Variants in DST observed in about 807,000 individuals in gnomAD.
DST encodes dystonin, also known as bullous pemphigoid antigen.
In DST, 253 loss-of-function variants were observed where a neutral mutation model predicts 875.2. The ratio of observed to expected loss-of-function variants is 0.29; its 90% CI spans 0.26 to 0.32. The LOEUF (loss-of-function observed/expected upper bound fraction) is 0.32, where lower values mean the gene tolerates loss of function less well. Ranked by LOEUF, DST falls within the 10% of genes least tolerant of loss-of-function variation. The probability of loss-of-function intolerance (pLI) is 1.00; values close to 1 mark genes in which losing one functional copy is unlikely to be tolerated. For synonymous variants in DST, 3,124 were observed against 3,197.1 expected (o/e 0.98, Z 0.77); for missense variants, 8,287 against 9,111.6 (o/e 0.91, Z 3.68).
chr6:56,665,348 G>T (rs1037669481), intron 10 of DST, among the ~76,000 whole-genome samples: 2 of 152,112 alleles, frequency 1.3e-5, no homozygotes, highest in African/African-American at 4.8e-5. Context: ...CTTACAAGGG[G>T]CAAAGACTTT....
intron 5 of DST, among the ~76,000 whole-genome samples, chr6:56,716,364 T>C (rs554782894): frequency 6.6e-6 from 1 of 152,314 alleles, no homozygotes; most frequent in Non-Finnish European, 1.5e-5. Context: ...CGCAAAATCA[T>C]TTGCTTGAAC....
chr6:56,763,588 C>A (rs2099623292), intron 4 of DST, among the ~76,000 whole-genome samples: 2 of 151,828 alleles, frequency 1.3e-5, no homozygotes, highest in African/African-American at 4.8e-5. Flanking sequence ...ACAAGAATCA[C>A]TTGAACCTGG....
At chr6:56,735,897 G>T (rs1014252736) in intron 4 of DST, among the ~76,000 whole-genome samples, 1 of 151,974 alleles carries the variant, frequency 6.6e-6, no homozygotes, top group Admixed American at 6.6e-5. Context: ...CTGTCACCCA[G>T]GCTGGAGTGC....
At chr6:56,513,402 G>T (rs1466420705) in intron 72 of DST, among the ~76,000 whole-genome samples, 2 of 152,146 alleles carry the variant, frequency 1.3e-5, no homozygotes, top group Non-Finnish European at 2.9e-5. Flanking sequence ...AACTGATTTT[G>T]TATTTTTAGT....
intron 2 of DST, among the ~76,000 whole-genome samples, chr6:56,929,201 C>A (rs932598764): frequency 6.6e-6 from 1 of 152,076 alleles, no homozygotes; most frequent in African/African-American, 2.4e-5. Flanking sequence ...ATATTTGATT[C>A]CATAATTCTC....
chr6:56,711,113 T>C (rs2099361612), intron 5 of DST, among the ~76,000 whole-genome samples: 1 of 152,190 alleles, frequency 6.6e-6, no homozygotes, highest in South Asian at 2.1e-4. Context: ...TTTTTAGCTT[T>C]TGGGTAGACA....
At position 56,482,059 on chromosome 6, in the gene DST, A is replaced by C. The variant is rs553811609; in HGVS notation, c.21522T>G (p.Asp7174Glu). 6.2e-7 allele frequency: 1 copy of C among 1,613,716 alleles called. No homozygotes were observed. Among genetic ancestry groups the C allele is most frequent in the Non-Finnish European group, 8.5e-7 (1 of 1,179,788 alleles). ...TTTATATATTACTCACTTTATGCTGATCAATGAGAGTCCGGAGAGCATCCT... is the reference window on the plus strand; with the variant it reads ...TTTATATATTACTCACTTTATGCTGCTCAATGAGAGTCCGGAGAGCATCCT... The part of the protein sequence containing the change: ...DDEDALRTLI[D>E]QHKEFMKKLE... The change falls in exon 90 of 104, where the codon GAT becomes GAG. Residue 7174 changes from aspartate (D) to glutamate (E), a missense_variant. Coordinates refer to ENST00000680361, the MANE Select transcript of DST (RefSeq NM_001374736.1).
chr6:56,805,122 A>T (rs2099751597), intron 4 of DST, among the ~76,000 whole-genome samples: 2 of 152,244 alleles, frequency 1.3e-5, no homozygotes, highest in South Asian at 4.2e-4. Flanking sequence ...TTCTCAAGCT[A>T]AGTTGATAAA....
chr6:56,692,804 C>T lies in DST; in HGVS notation c.1047+6849G>A, dbSNP rs1268274103. 2.3e-6 allele frequency: 3 copies of T among 1,289,720 alleles called. No homozygotes were observed. The African/African-American group carries it at 4.6e-5, about 20-fold the overall frequency. 79.9% of individuals were successfully genotyped at this position (1,289,720 alleles called of 1,614,324 possible). ...TTCACACAGTCAGACCAACTGCTTA[C>T]AGCACTCGGCAGAAGTTTCTGTTTA... On this transcript the variant is annotated intron_variant, in intron 9 of 103. Coordinates refer to ENST00000680361, the MANE Select transcript of DST (RefSeq NM_001374736.1).
rs2098432561 is a variant in DST, at chr6:56,600,152, C to G, written c.11611G>C (p.Glu3871Gln). The change falls in exon 45 of 104, where the codon GAA (glutamate) becomes CAA (glutamine). Residue 3871 changes from glutamate (E) to glutamine (Q), a missense_variant. Transcript: ENST00000680361. ...TCTTGGTGACCAATTAGGCGGTTTT[C>G]AGTTTGGGTAAGAAGATCACATATC... ...QGICDLLTQT[E>Q]NRLIGHQEAF... The G allele has an allele frequency of 6.2e-7, 1 of 1,612,962 alleles. No homozygotes were observed. The highest frequency in any genetic ancestry group is 1.7e-5 in the Admixed American group (1 of 59,938).
In DST at chr6:56,935,291, C is replaced by A. The variant is rs1443442298; in HGVS notation, c.216+18494G>T. 2.6e-5 allele frequency among the ~76,000 whole-genome samples: 4 copies of A among 152,264 alleles called. No individual in the cohort carries two copies. In the East Asian group the frequency reaches 7.7e-4, roughly 29 times the overall value. ...TGTATTTGGGATTCACTTTGGGATGCCCCACAACCGTTTTTAAAACAAGAG... is the reference window on the plus strand; with the variant it reads ...TGTATTTGGGATTCACTTTGGGATGACCCACAACCGTTTTTAAAACAAGAG... On this transcript the variant is annotated intron_variant, in intron 2 of 103. Coordinates refer to ENST00000680361, the MANE Select transcript of DST (RefSeq NM_001374736.1).
At position 56,654,087 on chromosome 6, in the gene DST, C is replaced by T. The variant is rs6941270; in HGVS notation, c.1215-2843G>A. ...TCATGTTATATTTTAGATAGTTGAA[C>T]ATTAACTATTGTAACTTGCCTGTTT... is the stretch of plus-strand genomic sequence containing the variant. On this transcript the variant is annotated intron_variant, in intron 10 of 103. Transcript: ENST00000680361. Among the ~76,000 whole-genome samples the T allele has an allele frequency of 5.8e-3, 890 of 152,210 alleles. 10 individuals carry two copies. The highest frequency in any genetic ancestry group is 0.02 in the African/African-American group (831 of 41,542).
intron 4 of DST, among the ~76,000 whole-genome samples, chr6:56,821,188 C>T (rs1401397362): frequency 1.3e-5 from 2 of 152,198 alleles, no homozygotes; most frequent in African/African-American, 4.8e-5. Flanking sequence ...CTAGCTGAAA[C>T]ACAAATATTA....
intron 10 of DST, among the ~76,000 whole-genome samples, chr6:56,663,011 G>A (rs766607027): frequency 1.1e-4 from 17 of 152,062 alleles, no homozygotes; most frequent in Non-Finnish European, 1.8e-4. Context: ...AGTAATGGGA[G>A]GCTTCATATT....
chr6:56,587,282 G>T (rs1468469211), intron 49 of DST, among the ~76,000 whole-genome samples: 2 of 152,188 alleles, frequency 1.3e-5, no homozygotes, highest in African/African-American at 2.4e-5. Context: ...CTCAGGAGCC[G>T]ATGCGATCAA....
In DST at chr6:56,553,463, T is replaced by A. The variant is rs1234050069; in HGVS notation, c.15329A>T (p.Gln5110Leu). The change falls in exon 61 of 104, where the codon CAG (glutamine) becomes CTG (leucine). Residue 5110 changes from glutamine to leucine, a missense_variant. Coordinates refer to ENST00000680361, the MANE Select transcript of DST (RefSeq NM_001374736.1). ...AATGGTTTTTTCATACATATGAGACTGAGCGGTCAAAGTTTTACTAAAGTC... is the reference window on the plus strand; with the variant it reads ...AATGGTTTTTTCATACATATGAGACAGAGCGGTCAAAGTTTTACTAAAGTC... Reference protein sequence around the residue: ...HKDFSKTLTAQSHMYEKTIAE... With the variant: ...HKDFSKTLTALSHMYEKTIAE... 1 of 1,613,220 alleles carries A rather than the reference T, an allele frequency of 6.2e-7. No individual in the cohort carries two copies. Among genetic ancestry groups the A allele is most frequent in the Non-Finnish European group, 8.5e-7 (1 of 1,179,668 alleles).
In DST at chr6:56,463,562, T is replaced by C. The variant is rs375303601; in HGVS notation, c.22959+3A>G. ...GAGGAAAAGTCTTCATCCTGAGTCT[T>C]ACCTTGGGTGTGGTGGTGGCAGGGA... On this transcript the variant is annotated splice_donor_region_variant and intron_variant, in intron 101 of 103. Transcript: ENST00000680361. The C allele has an allele frequency of 5.9e-5, 93 of 1,574,524 alleles. No individual in the cohort carries two copies. The highest frequency in any genetic ancestry group is 5.1e-4 in the Middle Eastern group (3 of 5,844).
chr6:56,809,515 C>T (rs1254520651), intron 4 of DST, among the ~76,000 whole-genome samples: 1 of 151,990 alleles, frequency 6.6e-6, no homozygotes, highest in Admixed American at 6.6e-5. Flanking sequence ...TATAGTCAAA[C>T]ATTAGAAACC....
At chr6:56,856,665 T>C (rs562841045) in intron 3 of DST, among the ~76,000 whole-genome samples, 1 of 152,282 alleles carries the variant, frequency 6.6e-6, no homozygotes, top group South Asian at 2.1e-4. Context: ...TGAACCTTGG[T>C]TGGATTCTGG....
Sources: allele counts gnomAD v4.1 joint callset (sites outside exome capture counted in the v4.1 genomes callset), GRCh38; gene constraint gnomAD v4.1.1; transcripts MANE v1.5; gene names NCBI Gene and HGNC (gene_info 2026-07-23, HGNC 2026-07-21).